TMTC1: variants seen among roughly 807,000 people sequenced by gnomAD.
TMTC1 encodes the protein transmembrane O-mannosyltransferase targeting cadherins 1, also known as protein O-mannosyl-transferase TMTC1.
Under a neutral mutation model 104.8 loss-of-function variants are expected in TMTC1, and 73 were observed. The observed-to-expected ratio is 0.70, with a 90% confidence interval of 0.58 to 0.85. The LOEUF (loss-of-function observed/expected upper bound fraction) is 0.85, where lower values mean the gene tolerates loss of function less well. Among genes scored for constraint, TMTC1 ranks in the 40% least tolerant of loss-of-function variants. TMTC1 has a pLI of 0.00. For synonymous variants in TMTC1, 434 were observed against 428.7 expected, an observed-to-expected ratio of 1.01 and a Z score of -0.15; for missense variants, 1,035 against 1,096.1, an observed-to-expected ratio of 0.94 and a Z score of 0.79.
chr12:29,523,641 G>A (rs565997046), intron 11 of TMTC1, among the ~76,000 whole-genome samples: 3 of 151,960 alleles, frequency 2.0e-5, no homozygotes, highest in Admixed American at 6.5e-5. Context: ...CTATCGTAAA[G>A]GCACTTATTT....
In TMTC1 at chr12:29,604,197, T is replaced by C; in HGVS notation, c.1231A>G (p.Arg411Gly). The change falls in exon 7 of 18, where the codon AGA (arginine) becomes GGA (glycine). Residue 411 changes from arginine (R) to glycine (G), a missense_variant. Physicochemically the swap from Arg to Gly is moderately radical, Grantham distance 125 (BLOSUM62 -2). Transcript: ENST00000539277. ...AGTTACCTAGGCATGTAAAGGACTCTCTCCGCCACCACAAAACCCACCCTG... is the reference window on the plus strand; with the variant it reads ...AGTTACCTAGGCATGTAAAGGACTCCCTCCGCCACCACAAAACCCACCCTG... ...FFRVGFVVAE[R>G]VLYMPSMGYC... The C allele has an allele frequency of 1.2e-6, 2 of 1,613,792 alleles. No individual in the cohort carries two copies. Among genetic ancestry groups the C allele is most frequent in the Non-Finnish European group, 1.7e-6 (2 of 1,179,826 alleles).
intron 1 of TMTC1, among the ~76,000 whole-genome samples, chr12:29,770,926 GTGATGCATGCA>G (rs893837484): frequency 6.6e-6 from 1 of 152,108 alleles, no homozygotes; most frequent in African/African-American, 2.4e-5. Context: ...AAAAGGGGAT[GTGATGCATGCA>G]TCACATCTTT....
At chr12:29,652,515 T>C (rs1425489830) in intron 5 of TMTC1, among the ~76,000 whole-genome samples, 4 of 152,216 alleles carry the variant, frequency 2.6e-5, no homozygotes, top group African/African-American at 7.2e-5. Context: ...TAGTGCAAAG[T>C]GGCCTTCAGA....
At chr12:29,661,222 C>G in intron 5 of TMTC1, 1 of 289,518 alleles carries the variant, frequency 3.5e-6, no homozygotes, top group Non-Finnish European at 5.2e-6. Context: ...ATATTACTAT[C>G]CCATCGAATC....
chr12:29,615,347 T>C lies in TMTC1; in HGVS notation c.1129-11048A>G, dbSNP rs185776761. Among the ~76,000 whole-genome samples, 299 of 152,240 alleles carry C rather than the reference T, an allele frequency of 2.0e-3. 1 individual carries two copies. The highest frequency in any genetic ancestry group is 6.1e-3 in the African/African-American group (252 of 41,526). The stretch of plus-strand genomic sequence containing the variant: ...GTTCCCGCTGAGGTGCATGTAACAA[T>C]GTCTTGAGGCAGCCACATCTCACTT... On this transcript the variant is annotated intron_variant, in intron 6 of 17. Coordinates refer to ENST00000539277, the MANE Select transcript of TMTC1 (RefSeq NM_001193451.2).
At chr12:29,748,439 C>A (rs748882733) in intron 5 of TMTC1, among the ~76,000 whole-genome samples, 6 of 152,172 alleles carry the variant, frequency 3.9e-5, no homozygotes, top group Non-Finnish European at 5.9e-5. Flanking sequence ...TGCCTCTTCC[C>A]CAAAGCTTAG....
intron 5 of TMTC1, among the ~76,000 whole-genome samples, chr12:29,638,295 C>T (rs903403222): frequency 1.4e-4 from 22 of 152,008 alleles, no homozygotes; most frequent in African/African-American, 5.1e-4. Flanking sequence ...CTGAAGAGCA[C>T]GCCGACAGAC....
chr12:29,708,890 C>T lies in TMTC1; in HGVS notation c.938+42776G>A, dbSNP rs372714209. 3.6e-4 allele frequency among the ~76,000 whole-genome samples: 55 copies of T among 152,160 alleles called. No individual in the cohort carries two copies. The East Asian group carries it at 9.7e-3, about 27-fold the overall frequency. On this transcript the variant is annotated intron_variant, in intron 5 of 17. Transcript: ENST00000539277. ...CAAGGGCCAAGTCCCAACAAAATTT[C>T]GTCTCGATTTTCTTCTGAGAAAATG...
chr12:29,690,615 A>C (rs978447475), intron 5 of TMTC1, among the ~76,000 whole-genome samples: 1 of 152,232 alleles, frequency 6.6e-6, no homozygotes, highest in African/African-American at 2.4e-5. Flanking sequence ...AAATTTATTA[A>C]CTATAGTCAT....
intron 7 of TMTC1, 106 bp downstream of exon 7, chr12:29,604,072 C>T (rs1278961187): frequency 2.1e-6 from 3 of 1,420,878 alleles, no homozygotes; most frequent in Non-Finnish European, 1.9e-6. Flanking sequence ...TATCCCTTGT[C>T]CCATGAGGAT....
intron 5 of TMTC1, among the ~76,000 whole-genome samples, chr12:29,643,562 TATA>T (rs1250002283): frequency 5.8e-5 from 5 of 86,744 alleles, no homozygotes; most frequent in Non-Finnish European, 8.2e-5. Flanking sequence ...TGTTATATAT[TATA>T]ATATATAATA....
chr12:29,733,716 GTGTGAGCTTGAATCTCT>G (rs1287232363), intron 5 of TMTC1, among the ~76,000 whole-genome samples: 1 of 152,166 alleles, frequency 6.6e-6, no homozygotes. Context: ...TTATGCCTCA[GTGTGAGCTTGAATCTCT>G]TATGAGCTAC....
intron 9 of TMTC1, 60 bp downstream of exon 9, chr12:29,572,045 G>T: frequency 7.4e-7 from 1 of 1,353,184 alleles, no homozygotes; most frequent in Non-Finnish European, 1.1e-6. Context: ...GGAGGGCCAA[G>T]TGAAATAAAC....
At chr12:29,614,513 T>C (rs1591808093) in intron 6 of TMTC1, among the ~76,000 whole-genome samples, 1 of 152,180 alleles carries the variant, frequency 6.6e-6, no homozygotes, top group South Asian at 2.1e-4. Context: ...AATGGACTAA[T>C]GAAATGTAGC....
intron 1 of TMTC1, among the ~76,000 whole-genome samples, chr12:29,777,057 C>G (rs769785462): frequency 3.3e-5 from 5 of 152,094 alleles, no homozygotes; most frequent in Non-Finnish European, 4.4e-5. Flanking sequence ...AGAAACACTG[C>G]CATTGTGTGG....
intron 2 of TMTC1, among the ~76,000 whole-genome samples, chr12:29,765,817 A>G (rs939596214): frequency 3.9e-5 from 6 of 152,220 alleles, no homozygotes; most frequent in African/African-American, 1.4e-4. Flanking sequence ...GGATGTTCAC[A>G]TAAATAAGTG....
At chr12:29,558,345 T>C (rs932925179) in intron 9 of TMTC1, among the ~76,000 whole-genome samples, 5 of 152,212 alleles carry the variant, frequency 3.3e-5, no homozygotes, top group Admixed American at 6.5e-5. Context: ...TGCCCCCTGT[T>C]CTGTACCTTC....
chr12:29,668,543 C>A (rs1377832880), intron 5 of TMTC1, among the ~76,000 whole-genome samples: 1 of 148,004 alleles, frequency 6.8e-6, no homozygotes, highest in Non-Finnish European at 1.5e-5. Flanking sequence ...TCACTGCAAC[C>A]TCCAACTCCC....
intron 8 of TMTC1, among the ~76,000 whole-genome samples, chr12:29,582,937 A>G (rs991916200): frequency 3.9e-5 from 6 of 152,228 alleles, no homozygotes; most frequent in Non-Finnish European, 8.8e-5. Context: ...CAGCATCATG[A>G]ATGGCAGTCT....
Sources: gnomAD v4.1 joint callset for allele counts (sites outside exome capture counted in the v4.1 genomes callset) on GRCh38, gnomAD v4.1.1 for gene constraint, MANE v1.5 for transcripts, NCBI Gene and HGNC (gene_info 2026-07-23, HGNC 2026-07-21) for gene names.